GRIN3A: variants seen among roughly 807,000 people sequenced by gnomAD.
GRIN3A encodes glutamate receptor ionotropic, NMDA 3A.
A neutral mutation model predicts 92.4 loss-of-function variants in GRIN3A; 47 were observed. That is an observed-to-expected ratio of 0.51 (90% CI 0.40 to 0.65). The LOEUF (loss-of-function observed/expected upper bound fraction) is 0.65. Ranked by LOEUF, GRIN3A falls within the 30% of genes least tolerant of loss-of-function variation. GRIN3A has a pLI of 0.00. For missense variants in GRIN3A, 1,324 were observed against 1,393.1 expected, an observed-to-expected ratio of 0.95 and a Z score of 0.79; for synonymous variants, 527 against 540.6, an observed-to-expected ratio of 0.97 and a Z score of 0.35.
At chr9:101,646,950 T>G (rs1828945879) in intron 3 of GRIN3A, among the ~76,000 whole-genome samples, 1 of 151,896 alleles carries the variant, frequency 6.6e-6, no homozygotes, top group Non-Finnish European at 1.5e-5. Context: ...AAAAGGATAA[T>G]TTGACTTTTT....
intron 6 of GRIN3A, among the ~76,000 whole-genome samples, chr9:101,602,790 T>C (rs894105231): frequency 6.6e-6 from 1 of 152,056 alleles, no homozygotes; most frequent in Non-Finnish European, 1.5e-5. Context: ...GAATCCTAAT[T>C]TGTGTTATTT....
chr9:101,732,651 A>G lies in GRIN3A; in HGVS notation c.699+4630T>C, dbSNP rs565737171. Among the ~76,000 whole-genome samples the G allele has an allele frequency of 2.0e-5, 3 of 152,286 alleles. No homozygotes were observed. The East Asian group carries it at 5.8e-4, about 29-fold the overall frequency. On this transcript the variant is annotated intron_variant, in intron 1 of 8. Transcript: ENST00000361820. ...TGTAAGGGGAATGCAAACATTTTACATGTGAATCATATCTCATTTTGATTA... is the reference window on the plus strand; with the variant it reads ...TGTAAGGGGAATGCAAACATTTTACGTGTGAATCATATCTCATTTTGATTA...
intron 1 of GRIN3A, among the ~76,000 whole-genome samples, chr9:101,708,277 G>T (rs1292066996): frequency 6.6e-6 from 1 of 152,120 alleles, no homozygotes; most frequent in Non-Finnish European, 1.5e-5. Context: ...ATGATTCTCA[G>T]GAATTTAACA....
chr9:101,635,015 A>C (rs566845600), intron 3 of GRIN3A, among the ~76,000 whole-genome samples: 2 of 152,198 alleles, frequency 1.3e-5, no homozygotes, highest in Non-Finnish European at 2.9e-5. Context: ...TACTAAGTAC[A>C]TCTTATGCTG....
chr9:101,641,282 C>G (rs1053555029), intron 3 of GRIN3A, among the ~76,000 whole-genome samples: 5 of 152,178 alleles, frequency 3.3e-5, no homozygotes, highest in Non-Finnish European at 7.3e-5. Context: ...CATCCCATTA[C>G]TGGGTATATA....
At chr9:101,604,927 G>A (rs532115202) in intron 6 of GRIN3A, among the ~76,000 whole-genome samples, 20 of 152,216 alleles carry the variant, frequency 1.3e-4, no homozygotes, top group African/African-American at 4.8e-4. Context: ...TGCTGTGAGA[G>A]AACTCCATTT....
rs74683849 is a variant in GRIN3A, at chr9:101,704,955, C to A, written c.700-17755G>T. ...CAGGAATGAGCAAAACAGACATGTT[C>A]TCTGTCTTCCTGAGTCTCAAAAGGG... On this transcript the variant is annotated intron_variant, in intron 1 of 8. Coordinates refer to ENST00000361820, the MANE Select transcript of GRIN3A (RefSeq NM_133445.3). Among the ~76,000 whole-genome samples, 276 of 152,142 alleles carry A rather than the reference C, an allele frequency of 1.8e-3. 1 individual carries two copies. Among genetic ancestry groups the A allele is most frequent in the African/African-American group, 6.2e-3 (256 of 41,508 alleles).
chr9:101,618,885 A>G (rs1247917462), intron 5 of GRIN3A, among the ~76,000 whole-genome samples: 1 of 152,164 alleles, frequency 6.6e-6, no homozygotes, highest in Non-Finnish European at 1.5e-5. Context: ...TTATTACTAG[A>G]AATGTGGCTT....
rs534735090 is a variant in GRIN3A, at chr9:101,717,154, G to C, written c.699+20127C>G. Among the ~76,000 whole-genome samples, 6 of 152,290 alleles carry C rather than the reference G, an allele frequency of 3.9e-5. No homozygotes were observed. In the East Asian group the frequency reaches 1.2e-3, roughly 29 times the overall value. Reference sequence around the variant, plus strand: ...GGAGGAGTTTGTTAAAAAGAAAACAGATATATGAGGTCATAGCATATAATA... The same window carrying C: ...GGAGGAGTTTGTTAAAAAGAAAACACATATATGAGGTCATAGCATATAATA... On this transcript the variant is annotated intron_variant, in intron 1 of 8. Transcript: ENST00000361820.
chr9:101,723,573 C>T (rs1288822533), intron 1 of GRIN3A, among the ~76,000 whole-genome samples: 1 of 152,170 alleles, frequency 6.6e-6, no homozygotes, highest in Non-Finnish European at 1.5e-5. Flanking sequence ...CTTTTATTCT[C>T]TTATCTGGCC....
intron 1 of GRIN3A, among the ~76,000 whole-genome samples, chr9:101,711,140 G>A (rs925885962): frequency 1.3e-5 from 2 of 152,128 alleles, no homozygotes; most frequent in African/African-American, 4.8e-5. Flanking sequence ...GAGGTGAATG[G>A]CATTGGCATT....
At chr9:101,652,136 C>T (rs1260720901) in intron 3 of GRIN3A, among the ~76,000 whole-genome samples, 2 of 152,004 alleles carry the variant, frequency 1.3e-5, no homozygotes, top group Non-Finnish European at 2.9e-5. Context: ...CATGAGGAGT[C>T]ATAATTTTCA....
At chr9:101,640,366 CCTT>C (rs1828839756) in intron 3 of GRIN3A, among the ~76,000 whole-genome samples, 1 of 152,166 alleles carries the variant, frequency 6.6e-6, no homozygotes, top group East Asian at 1.9e-4. Context: ...AAGACACTTT[CCTT>C]CTTCTTTCTT....
chr9:101,676,770 G>A (rs4742821), intron 2 of GRIN3A, among the ~76,000 whole-genome samples: 15,635 of 151,662 alleles, frequency 0.1, 1,307 homozygotes, highest in East Asian at 0.4. Context: ...TTTAGCTTGC[G>A]ATCTACCAAC....
chr9:101,642,325 C>T (rs1828877731), intron 3 of GRIN3A, among the ~76,000 whole-genome samples: 1 of 152,068 alleles, frequency 6.6e-6, no homozygotes, highest in Non-Finnish European at 1.5e-5. Context: ...TTAAAACCAA[C>T]TCAAAATAGA....
At chr9:101,668,806 T>A (rs576683230) in intron 3 of GRIN3A, among the ~76,000 whole-genome samples, 2 of 152,276 alleles carry the variant, frequency 1.3e-5, no homozygotes, top group Non-Finnish European at 1.5e-5. Flanking sequence ...TACATCCAAC[T>A]GAAACCATCT....
chr9:101,593,366 G>C (rs896706283), intron 6 of GRIN3A: 1 of 152,172 alleles, frequency 6.6e-6, no homozygotes, highest in African/African-American at 2.4e-5. Context: ...TCTCTTCTAG[G>C]CCTCAGATCT....
Position 101,708,832 on chromosome 9 carries a change from T to C in GRIN3A, c.700-21632A>G, listed in dbSNP as rs924887990. ...TTTATCAAAAGTCCTCAAAGTAACT[T>C]TGCAGACTGTCACATAAAATTTCGC... is the stretch of plus-strand genomic sequence containing the variant. On this transcript the variant is annotated intron_variant, in intron 1 of 8. Coordinates refer to ENST00000361820, the MANE Select transcript of GRIN3A (RefSeq NM_133445.3). Among the ~76,000 whole-genome samples, 5 of 152,340 alleles carry C rather than the reference T, an allele frequency of 3.3e-5. No homozygotes were observed. The East Asian group carries it at 9.6e-4, about 29-fold the overall frequency.
At chr9:101,589,364 C>T (rs531865636) in intron 6 of GRIN3A, among the ~76,000 whole-genome samples, 1 of 152,292 alleles carries the variant, frequency 6.6e-6, no homozygotes, top group South Asian at 2.1e-4. Flanking sequence ...GTTCTGATGA[C>T]TTGTGATGTG....
Sources: gnomAD v4.1 joint callset for allele counts (sites outside exome capture counted in the v4.1 genomes callset) on GRCh38, gnomAD v4.1.1 for gene constraint, MANE v1.5 for transcripts, NCBI Gene and HGNC (gene_info 2026-07-23, HGNC 2026-07-21) for gene names.